The following SPATA6L variants were observed in gnomAD, a reference collection of about 807,000 sequenced individuals.
SPATA6L encodes the protein spermatogenesis associated 6-like protein.
In SPATA6L, 68 loss-of-function variants were observed where a neutral mutation model predicts 49.2. The observed-to-expected ratio is 1.38, with a 90% CI of 1.14 to 1.69. SPATA6L has a LOEUF of 1.69. SPATA6L is among the 40% of genes most tolerant of loss of function. The pLI, the probability that SPATA6L is intolerant of heterozygous loss-of-function variation, is 0.00. For synonymous variants in SPATA6L, 198 were observed against 165.7 expected (o/e 1.19, Z -1.50); for missense variants, 668 against 464.3 (o/e 1.44, Z -4.03).
At chr9:4,659,348 G>A (rs1473601904) in intron 2 of SPATA6L, among the ~76,000 whole-genome samples, 2 of 152,128 alleles carry the variant, frequency 1.3e-5, no homozygotes, top group Non-Finnish European at 2.9e-5. Flanking sequence ...CAAAATCAAT[G>A]TGCAAAAATC....
intron 6 of SPATA6L, 37 bp downstream of exon 6, chr9:4,625,290 T>C (rs761789097): frequency 1.3e-6 from 2 of 1,595,596 alleles, no homozygotes; most frequent in Non-Finnish European, 8.5e-7. Context: ...ATATCCTCAC[T>C]ATTGCAAAAT....
At chr9:4,626,881 A>G (rs961486315) in intron 5 of SPATA6L, 1 of 190,838 alleles carries the variant, frequency 5.2e-6, no homozygotes, top group Middle Eastern at 2.4e-3. Context: ...AGGGTACAAA[A>G]TAATATGCAA....
chr9:4,642,696 T>G (rs1171126491), intron 3 of SPATA6L, among the ~76,000 whole-genome samples: 1 of 150,988 alleles, frequency 6.6e-6, no homozygotes, highest in African/African-American at 2.5e-5. Flanking sequence ...TCTCCCATGC[T>G]CTCTTAAGAA....
intron 3 of SPATA6L, among the ~76,000 whole-genome samples, chr9:4,647,529 C>A (rs1482202219): frequency 6.6e-6 from 1 of 152,084 alleles, no homozygotes; most frequent in Non-Finnish European, 1.5e-5. Context: ...GAGGTGAAGG[C>A]TGCAGTGAGC....
chr9:4,662,815 T>C lies in SPATA6L; in HGVS notation c.40-779A>G. The C allele has an allele frequency of 1.2e-6, 2 of 1,605,168 alleles. No individual in the cohort carries two copies. The highest frequency in any genetic ancestry group is 1.7e-6 in the Non-Finnish European group (2 of 1,179,928). On this transcript the variant is annotated intron_variant, in intron 1 of 11. Coordinates refer to ENST00000682582, the MANE Select transcript of SPATA6L (RefSeq NM_001353486.2). The surrounding 1 kb of genome is among the most constrained non-coding windows in gnomAD (Gnocchi z 4.9). ...ATCTCGGGACACGGCATCCCCTGGCTGCTGGGCACCCTCTACTGCCTGTGC... is the reference window on the plus strand; with the variant it reads ...ATCTCGGGACACGGCATCCCCTGGCCGCTGGGCACCCTCTACTGCCTGTGC...
At chr9:4,664,625 A>G (rs1212531616) in intron 1 of SPATA6L, 1 of 167,140 alleles carries the variant, frequency 6.0e-6, no homozygotes, top group Non-Finnish European at 1.5e-5. Flanking sequence ...CTACCTGAAA[A>G]GAAATCCTTT....
At chr9:4,627,570 CA>C in intron 5 of SPATA6L, 2 of 393,638 alleles carry the variant, frequency 5.1e-6, no homozygotes, top group East Asian at 1.5e-4. Context: ...AGAAGCTTCA[CA>C]AACTACCTTT....
At chr9:4,595,331 T>A (rs1822174070), downstream of SPATA6L, among the ~76,000 whole-genome samples, 1 of 152,196 alleles carries the variant, frequency 6.6e-6, no homozygotes, top group Non-Finnish European at 1.5e-5. Context: ...TTCTCTTTCC[T>A]GTGACTCTCC....
At chr9:4,591,849 A>G (rs1467028194) in intron 13 of SPATA6L, among the ~76,000 whole-genome samples, 2 of 152,248 alleles carry the variant, frequency 1.3e-5, no homozygotes, top group Non-Finnish European at 2.9e-5. Flanking sequence ...CCAGGCAGAC[A>G]GTCACCTACC....
intron 13 of SPATA6L, among the ~76,000 whole-genome samples, chr9:4,591,987 A>G (rs1021287771): frequency 6.6e-6 from 1 of 152,264 alleles, no homozygotes; most frequent in Middle Eastern, 3.4e-3. Context: ...ATGAGTGCCC[A>G]AGCAAGTGGG....
chr9:4,654,297 G>T (rs7864427), intron 3 of SPATA6L, among the ~76,000 whole-genome samples: 5,065 of 152,276 alleles, frequency 0.033, 270 homozygotes, highest in African/African-American at 0.12. Flanking sequence ...AAGCTCCTTT[G>T]TCCCCCTCTC....
At chr9:4,610,861 A>T (rs1337495454) in intron 9 of SPATA6L, among the ~76,000 whole-genome samples, 2 of 151,916 alleles carry the variant, frequency 1.3e-5, no homozygotes, top group African/African-American at 4.8e-5. Context: ...TGAACAGGCA[A>T]CCTACAAAAT....
At chr9:4,636,376 T>C (rs1460478677) in intron 3 of SPATA6L, among the ~76,000 whole-genome samples, 2 of 152,224 alleles carry the variant, frequency 1.3e-5, no homozygotes, top group Non-Finnish European at 2.9e-5. Flanking sequence ...TTGATTATAT[T>C]AACTACAAAT....
intron 4 of SPATA6L, among the ~76,000 whole-genome samples, chr9:4,632,034 CTT>C (rs905629115): frequency 1.7e-3 from 191 of 112,996 alleles, no homozygotes; most frequent in African/African-American, 6.2e-3. Context: ...ACATCAGCTA[CTT>C]TTTTTTTTTT....
chr9:4,642,601 C>G (rs1163850499), intron 3 of SPATA6L, among the ~76,000 whole-genome samples: 1 of 152,198 alleles, frequency 6.6e-6, no homozygotes, highest in African/African-American at 2.4e-5. Flanking sequence ...CAGTGATATC[C>G]ACAGCAGGCA....
At chr9:4,665,807 G>C (rs1428922392) in intron 1 of SPATA6L, among the ~76,000 whole-genome samples, 7 of 152,200 alleles carry the variant, frequency 4.6e-5, no homozygotes, top group African/African-American at 1.7e-4. Context: ...TTGGTTCATA[G>C]AGTTGGCAAA....
chr9:4,606,116 T>G (rs301454), intron 9 of SPATA6L, among the ~76,000 whole-genome samples: 2 of 152,034 alleles, frequency 1.3e-5, no homozygotes, highest in African/African-American at 4.8e-5. Flanking sequence ...GCTTAAAAAA[T>G]GGCGCACCAC....
intron 2 of SPATA6L, among the ~76,000 whole-genome samples, chr9:4,658,634 T>C (rs1838857409): frequency 6.6e-6 from 1 of 152,182 alleles, no homozygotes; most frequent in South Asian, 2.1e-4. Flanking sequence ...TCAAGGAGGT[T>C]GGAGTTATCT....
rs184586852 is a variant in SPATA6L, at chr9:4,601,655, C to G, written c.*2-846G>C. Among the ~76,000 whole-genome samples the G allele has an allele frequency of 3.3e-3, 501 of 152,224 alleles. 4 individuals are homozygous for G. The highest frequency in any genetic ancestry group is 0.011 in the African/African-American group (473 of 41,538). Reference sequence around the variant, plus strand: ...CTCGAGATCGCTGGGGAGCCAGGACCTGGCAGTGAAACAGATATGGAGAAG... The same window carrying G: ...CTCGAGATCGCTGGGGAGCCAGGACGTGGCAGTGAAACAGATATGGAGAAG... On this transcript the variant is annotated intron_variant, in intron 11 of 11. Coordinates refer to ENST00000682582, the MANE Select transcript of SPATA6L (RefSeq NM_001353486.2).
Sources: allele counts gnomAD v4.1 joint callset (sites outside exome capture counted in the v4.1 genomes callset), GRCh38; gene constraint gnomAD v4.1.1; non-coding constraint Gnocchi (gnomAD v3.1); transcripts MANE v1.5; gene names NCBI Gene and HGNC (gene_info 2026-07-23, HGNC 2026-07-21).